ARHGEF28: variants seen among roughly 807,000 people sequenced by gnomAD.
ARHGEF28 encodes Rho guanine nucleotide exchange factor 28, also known as 190 kDa guanine nucleotide exchange factor.
Under a neutral mutation model 206.6 loss-of-function variants are expected in ARHGEF28, and 152 were observed. The observed-to-expected ratio is 0.74, with a 90% CI of 0.64 to 0.84. The LOEUF is 0.84. Among genes scored for constraint, ARHGEF28 ranks in the 40% least tolerant of loss-of-function variants. ARHGEF28 has a pLI of 0.00. For synonymous variants in ARHGEF28, 763 were observed against 776.4 expected (o/e 0.98, Z 0.29); for missense variants, 2,028 against 2,073.2 (o/e 0.98, Z 0.42).
intron 2 of ARHGEF28, among the ~76,000 whole-genome samples, chr5:73,711,922 C>G (rs964224756): frequency 6.6e-6 from 1 of 150,564 alleles, no homozygotes; most frequent in Middle Eastern, 3.4e-3. Context: ...AGTATTAGTT[C>G]TAGGTTTGGG....
chr5:73,897,126 A>T (rs1762002809), intron 29 of ARHGEF28, among the ~76,000 whole-genome samples: 1 of 151,910 alleles, frequency 6.6e-6, no homozygotes, highest in South Asian at 2.1e-4. Flanking sequence ...TCCTCTTGAA[A>T]CCCATCCATC....
chr5:73,842,147 T>C (rs936924704), intron 11 of ARHGEF28, among the ~76,000 whole-genome samples: 1 of 152,246 alleles, frequency 6.6e-6, no homozygotes, highest in African/African-American at 2.4e-5. Flanking sequence ...AATTTCATTT[T>C]ATCCTGTTGA....
At chr5:73,708,998 A>G (rs750399595) in intron 2 of ARHGEF28, among the ~76,000 whole-genome samples, 11 of 152,064 alleles carry the variant, frequency 7.2e-5, no homozygotes, top group Admixed American at 3.9e-4. Flanking sequence ...TCTTTTGAGA[A>G]GTGTCTGTTC....
intron 11 of ARHGEF28, among the ~76,000 whole-genome samples, chr5:73,845,531 TC>T (rs948935060): frequency 6.6e-6 from 1 of 151,708 alleles, no homozygotes; most frequent in Admixed American, 6.6e-5. Context: ...CACATGCAAA[TC>T]CCCCCCAGAA....
chr5:73,776,766 T>C (rs1753570014), intron 6 of ARHGEF28, 70 bp downstream of exon 6: 4 of 1,426,890 alleles, frequency 2.8e-6, no homozygotes, highest in Non-Finnish European at 1.9e-6. Context: ...TTTCTTATTA[T>C]GAGAACAGTG....
intron 35 of ARHGEF28, among the ~76,000 whole-genome samples, chr5:73,939,804 T>A (rs1435944405): frequency 1.3e-5 from 2 of 152,240 alleles, no homozygotes; most frequent in African/African-American, 4.8e-5. Context: ...TGTCTGCACG[T>A]GTGTATATCC....
intron 22 of ARHGEF28, among the ~76,000 whole-genome samples, chr5:73,877,863 A>AGGTGT (rs1001415361): frequency 3.0e-4 from 46 of 152,198 alleles, no homozygotes; most frequent in African/African-American, 1.0e-3. Flanking sequence ...ATTTTGGAAT[A>AGGTGT]GGTGTGGTGT....
rs533313163 is a variant in ARHGEF28, at chr5:73,880,127, A to G, written c.2815-2345A>G. ...TTTGTTTACCTAAGCGAGCCTGGGC[A>G]ATGGCGGGCGCCCCTCCCCCAGCCT... is the stretch of plus-strand genomic sequence containing the variant. On this transcript the variant is annotated intron_variant, in intron 22 of 35. Transcript: ENST00000513042. Among the ~76,000 whole-genome samples, 361 of 152,286 alleles carry G rather than the reference A, an allele frequency of 2.4e-3. 1 individual carries two copies. The highest frequency in any genetic ancestry group is 8.0e-3 in the African/African-American group (331 of 41,564).
intron 7 of ARHGEF28, among the ~76,000 whole-genome samples, chr5:73,782,300 G>T (rs1467392966): frequency 2.0e-5 from 3 of 151,830 alleles, no homozygotes; most frequent in African/African-American, 7.3e-5. Flanking sequence ...TTAGCCAGGT[G>T]TGGTGGTGTG....
intron 7 of ARHGEF28, among the ~76,000 whole-genome samples, chr5:73,793,547 G>A (rs764707547): frequency 2.0e-5 from 3 of 152,228 alleles, no homozygotes; most frequent in African/African-American, 2.4e-5. Context: ...AAGCAGGGCT[G>A]TGGGGGAAGG....
intron 16 of ARHGEF28, among the ~76,000 whole-genome samples, chr5:73,859,321 G>GTC (rs1352904896): frequency 2.0e-5 from 3 of 152,176 alleles, no homozygotes; most frequent in African/African-American, 7.2e-5. Flanking sequence ...AGATTTCATG[G>GTC]TATTTGTTGA....
At chr5:73,732,191 C>T (rs1750662096) in intron 2 of ARHGEF28, among the ~76,000 whole-genome samples, 1 of 152,088 alleles carries the variant, frequency 6.6e-6, no homozygotes, top group Non-Finnish European at 1.5e-5. Flanking sequence ...TTTCACTGCC[C>T]TGAGAATCCT....
At chr5:73,772,089 C>T (rs1753256194) in intron 4 of ARHGEF28, among the ~76,000 whole-genome samples, 2 of 152,064 alleles carry the variant, frequency 1.3e-5, no homozygotes, top group Non-Finnish European at 1.5e-5. Context: ...ATTGATCTAG[C>T]TATCTATATC....
chr5:73,689,543 C>T (rs1265614448), intron 2 of ARHGEF28, among the ~76,000 whole-genome samples: 1 of 152,100 alleles, frequency 6.6e-6, no homozygotes, highest in African/African-American at 2.4e-5. Flanking sequence ...TGGCAGTTCC[C>T]TGAGTTGCAG....
intron 3 of ARHGEF28, among the ~76,000 whole-genome samples, chr5:73,752,049 A>G (rs1752042144): frequency 1.3e-5 from 2 of 152,230 alleles, no homozygotes; most frequent in Admixed American, 1.3e-4. Context: ...TGTACCTGTT[A>G]GCCATTTGAC....
chr5:73,914,673 A>G (rs913776364), intron 35 of ARHGEF28, among the ~76,000 whole-genome samples: 4 of 152,166 alleles, frequency 2.6e-5, no homozygotes, highest in Non-Finnish European at 5.9e-5. Context: ...TTGGGATTAC[A>G]GGCTTAAGGC....
intron 22 of ARHGEF28, among the ~76,000 whole-genome samples, chr5:73,878,551 AGC>A (rs1352516949): frequency 6.6e-6 from 1 of 151,610 alleles, no homozygotes; most frequent in African/African-American, 2.4e-5. Flanking sequence ...ATGATTTTGC[AGC>A]GGCTGGTACC....
chr5:73,926,495 C>A lies in ARHGEF28; in HGVS notation c.4949-14349C>A, dbSNP rs145240367. On this transcript the variant is annotated intron_variant, in intron 35 of 35. Coordinates refer to ENST00000513042, the MANE Select transcript of ARHGEF28 (RefSeq NM_001177693.2). ...TCCCAAACCTCCTTTTTCATCCCCCCCTACCCTTTGGTTCACCTGCACAAA... is the reference window on the plus strand; with the variant it reads ...TCCCAAACCTCCTTTTTCATCCCCCACTACCCTTTGGTTCACCTGCACAAA... 3.8e-3 allele frequency among the ~76,000 whole-genome samples: 577 copies of A among 152,298 alleles called. 6 individuals are homozygous for A. The highest frequency in any genetic ancestry group is 5.9e-3 in the Admixed American group (90 of 15,302).
At chr5:73,850,278 T>G (rs1758623540) in intron 13 of ARHGEF28, among the ~76,000 whole-genome samples, 1 of 152,050 alleles carries the variant, frequency 6.6e-6, no homozygotes, top group African/African-American at 2.4e-5. Flanking sequence ...TGGGATGTAC[T>G]GTTAGAAGAG....
Sources: allele counts gnomAD v4.1 joint callset (sites outside exome capture counted in the v4.1 genomes callset), GRCh38; gene constraint gnomAD v4.1.1; transcripts MANE v1.5; gene names NCBI Gene and HGNC (gene_info 2026-07-23, HGNC 2026-07-21).